The following SNRPN variants were observed in gnomAD, a reference collection of about 807,000 sequenced individuals.
SNRPN encodes small nuclear ribonucleoprotein polypeptide N.
SNRPN carries 7 observed loss-of-function variants against 25.2 expected under a neutral mutation model. That is an observed-to-expected ratio of 0.28 (90% CI 0.16 to 0.52). SNRPN has a LOEUF of 0.52. Ranked by LOEUF, SNRPN falls within the 20% of genes least tolerant of loss-of-function variation. The pLI is 0.96. For synonymous variants in SNRPN, 124 were observed against 110.6 expected, an observed-to-expected ratio of 1.12 and a Z score of -0.76; for missense variants, 196 against 322.5, an observed-to-expected ratio of 0.61 and a Z score of 3.00.
At chr15:24,950,333 C>T (rs1158871558), upstream of SNRPN, among the ~76,000 whole-genome samples, 1 of 151,700 alleles carries the variant, frequency 6.6e-6, no homozygotes, top group East Asian at 2.0e-4. Context: ...CGTGCCCTCA[C>T]ACCCGGCTAA....
At chr15:24,971,468 G>A (rs1161435906) in intron 3 of SNRPN, among the ~76,000 whole-genome samples, 2 of 152,056 alleles carry the variant, frequency 1.3e-5, no homozygotes, top group Non-Finnish European at 2.9e-5. Context: ...TTTAACTGCT[G>A]TAGGAGGTCA....
intron 2 of SNRPN, among the ~76,000 whole-genome samples, chr15:24,904,942 CAAAAA>C (rs33929037): frequency 1.1e-5 from 1 of 88,236 alleles, no homozygotes. Flanking sequence ...GACTCCGTCT[CAAAAA>C]AAAAAAAAAA....
chr15:24,877,697 A>ACACACACACACACAC (rs1566858064), intron 1 of SNRPN, among the ~76,000 whole-genome samples: 14 of 113,838 alleles, frequency 1.2e-4, no homozygotes, highest in African/African-American at 3.9e-4. Context: ...CACACACACA[A>ACACACACACACACAC]ACACACTAGC....
At chr15:24,892,170 A>C (rs547810394) in intron 2 of SNRPN, among the ~76,000 whole-genome samples, 1 of 152,318 alleles carries the variant, frequency 6.6e-6, no homozygotes, top group East Asian at 1.9e-4. Context: ...TGAGTGGATA[A>C]AATATCCAGT....
At position 24,974,312 on chromosome 15, in the gene SNRPN, C is replaced by T; in HGVS notation, c.-142C>T. On this transcript the variant is annotated splice_region_variant and 5_prime_UTR_variant, in exon 4 of 10. Transcript: ENST00000390687. ...GCTTTAACATGCTTTCCTCTGCAGG[C>T]TCCATCTACTCTTTGAAGCTTCTGC... The T allele has an allele frequency of 1.3e-6, 1 of 753,294 alleles. No homozygotes were observed. The highest frequency in any genetic ancestry group is 1.9e-5 in the Admixed American group (1 of 51,698). 46.7% of individuals were successfully genotyped at this position (753,294 alleles called of 1,614,324 possible).
intron 1 of SNRPN, among the ~76,000 whole-genome samples, chr15:24,873,192 C>T (rs1049431716): frequency 8.2e-6 from 1 of 121,280 alleles, no homozygotes; most frequent in Non-Finnish European, 1.8e-5. Flanking sequence ...ACAGGGATTC[C>T]CATAGCACAA....
At chr15:24,918,569 TATGTATATATATAACATAATATA>T (rs1320031491) in intron 2 of SNRPN, among the ~76,000 whole-genome samples, 12 of 86,888 alleles carry the variant, frequency 1.4e-4, no homozygotes, top group Non-Finnish European at 2.7e-4. Flanking sequence ...ACATAATATA[TATGTATATATATAACATAATATA>T]TATGTATATA....
chr15:24,896,867 A>C (rs1230358871), intron 2 of SNRPN, among the ~76,000 whole-genome samples: 2 of 152,166 alleles, frequency 1.3e-5, no homozygotes. Context: ...AAAAAGTAAC[A>C]GAGTCTGCGC....
intron 2 of SNRPN, among the ~76,000 whole-genome samples, chr15:24,845,432 T>G (rs2144457799): frequency 6.6e-6 from 1 of 152,218 alleles, no homozygotes; most frequent in African/African-American, 2.4e-5. Context: ...ACCCCATCTC[T>G]ACTAAAAATA....
At position 24,862,970 on chromosome 15, in the gene SNRPN, A is replaced by G. The variant is rs562684090; in HGVS notation, c.-579+6254A>G. On this transcript the variant is annotated intron_variant, in intron 1 of 11. Coordinates refer to the SNRPN transcript ENST00000400097. ...AAAGGGCCTGAGCAGGGGAGGGAGGACAGCTCTGGAAGTGATGCAGAGGCT... is the reference window on the plus strand; with the variant it reads ...AAAGGGCCTGAGCAGGGGAGGGAGGGCAGCTCTGGAAGTGATGCAGAGGCT... Among the ~76,000 whole-genome samples the G allele has an allele frequency of 3.3e-5, 5 of 151,096 alleles. No homozygotes were observed. In the South Asian group the frequency reaches 8.3e-4, roughly 25 times the overall value.
At chr15:24,908,081 ATAAG>A (rs2058965808) in intron 2 of SNRPN, among the ~76,000 whole-genome samples, 2 of 144,046 alleles carry the variant, frequency 1.4e-5, no homozygotes, top group South Asian at 2.2e-4. Flanking sequence ...AAAAAAAAGA[ATAAG>A]AAAGAAAGAA....
chr15:24,853,500 TCTC>T (rs1490601520), upstream of SNRPN, among the ~76,000 whole-genome samples: 2 of 152,038 alleles, frequency 1.3e-5, no homozygotes, highest in Non-Finnish European at 2.9e-5. Context: ...TTCACGCCAT[TCTC>T]CTGCCTCAGT....
At chr15:24,968,205 T>C (rs1802004382) in intron 3 of SNRPN, 123 bp downstream of exon 3, 2 of 644,566 alleles carry the variant, frequency 3.1e-6, no homozygotes. Flanking sequence ...ATAAACACAT[T>C]GCAGAAAGTT....
upstream of SNRPN, among the ~76,000 whole-genome samples, chr15:24,854,501 T>C (rs1325889355): frequency 6.6e-6 from 1 of 152,208 alleles, no homozygotes. Context: ...TGCTCATATT[T>C]CTTAGAACAG....
At chr15:24,885,496 A>C (rs913092331) in intron 1 of SNRPN, among the ~76,000 whole-genome samples, 2 of 152,238 alleles carry the variant, frequency 1.3e-5, no homozygotes, top group African/African-American at 4.8e-5. Context: ...TTTTATGTTT[A>C]TAAAATATGT....
chr15:24,946,856 A>G (rs972515898), intron 3 of SNRPN, among the ~76,000 whole-genome samples: 2 of 152,186 alleles, frequency 1.3e-5, no homozygotes, highest in Non-Finnish European at 2.9e-5. Context: ...AAATGAACTA[A>G]TGTTAAAGTA....
chr15:24,879,994 C>G (rs1359668480), intron 1 of SNRPN, among the ~76,000 whole-genome samples: 1 of 152,154 alleles, frequency 6.6e-6, no homozygotes, highest in African/African-American at 2.4e-5. Flanking sequence ...GTCCATTTCC[C>G]AAGCATCTTT....
chr15:24,945,909 CA>C (rs1319623212), intron 3 of SNRPN, among the ~76,000 whole-genome samples: 1 of 152,086 alleles, frequency 6.6e-6, no homozygotes, highest in Admixed American at 6.6e-5. Context: ...TGCATGTAGG[CA>C]AAAGGCTGGA....
At chr15:24,937,040 C>T (rs1022598675) in intron 3 of SNRPN, among the ~76,000 whole-genome samples, 3 of 151,960 alleles carry the variant, frequency 2.0e-5, no homozygotes, top group East Asian at 3.9e-4. Flanking sequence ...GTCAGGAGAT[C>T]GAGACAATCC....
Sources: allele counts gnomAD v4.1 joint callset (sites outside exome capture counted in the v4.1 genomes callset), GRCh38; gene constraint gnomAD v4.1.1; transcripts MANE v1.5; gene names NCBI Gene and HGNC (gene_info 2026-07-23, HGNC 2026-07-21).